Variants in AGBL3 observed in about 807,000 individuals in gnomAD.
The protein encoded by AGBL3 is AGBL carboxypeptidase 3.
In AGBL3, 68 loss-of-function variants were observed where a neutral mutation model predicts 94.5. The ratio of observed to expected loss-of-function variants is 0.72; its 90% CI spans 0.59 to 0.88. The LOEUF is 0.88. AGBL3 is among the 40% of genes least tolerant of loss of function. The pLI is 0.00. For synonymous variants in AGBL3, 354 were observed against 370.7 expected (o/e 0.95, Z 0.52); for missense variants, 934 against 1,103.8 (o/e 0.85, Z 2.18).
chr7:135,026,925 A>G (rs1162811252), intron 5 of AGBL3, among the ~76,000 whole-genome samples: 1 of 151,672 alleles, frequency 6.6e-6, no homozygotes, highest in African/African-American at 2.4e-5. Context: ...CTTTTTGGGA[A>G]GGTTAATCAA....
intron 4 of AGBL3, chr7:134,995,072 C>A (rs983135129): frequency 3.9e-5 from 6 of 152,334 alleles, no homozygotes; most frequent in African/African-American, 1.4e-4. Flanking sequence ...TTTAAACCTT[C>A]CCCCAAGCCT....
In AGBL3 at chr7:135,053,663, G is replaced by A. The variant is rs1054192050; in HGVS notation, c.1842-5506G>A. On this transcript the variant is annotated intron_variant, in intron 11 of 16. Transcript: ENST00000436302. ...ACAAAGGATTCAGCCAAAGCTGGAC[G>A]ACCATCTGCTATGGGACTTAATAAA... Among the ~76,000 whole-genome samples, 60 of 152,038 alleles carry A rather than the reference G, an allele frequency of 3.9e-4. 1 individual carries two copies. Among genetic ancestry groups the A allele is most frequent in the Admixed American group, 3.8e-3 (58 of 15,254 alleles).
intron 3 of AGBL3, among the ~76,000 whole-genome samples, chr7:134,993,034 G>C (rs1810497576): frequency 6.6e-6 from 1 of 152,206 alleles, no homozygotes; most frequent in Non-Finnish European, 1.5e-5. Context: ...TGTGAATTGT[G>C]TTCCTGGCAT....
intron 4 of AGBL3, chr7:135,010,443 C>G (rs1036138576): frequency 3.6e-5 from 6 of 166,290 alleles, no homozygotes; most frequent in African/African-American, 1.4e-4. Context: ...CTAAAATACA[C>G]ATTAAAGTTC....
At position 135,135,307 on chromosome 7, in the gene AGBL3, T is replaced by A; in HGVS notation, c.*46T>A. 1 of 1,407,970 alleles carries A rather than the reference T, an allele frequency of 7.1e-7. No homozygotes were observed. Among genetic ancestry groups the A allele is most frequent in the Non-Finnish European group, 9.4e-7 (1 of 1,067,538 alleles). 87.2% of individuals were successfully genotyped at this position (1,407,970 alleles called of 1,614,324 possible). A position where few individuals can be genotyped will look rare whatever the true frequency, so the allele number is the denominator to read the frequency against. On this transcript the variant is annotated 3_prime_UTR_variant, in exon 17 of 17. Coordinates refer to ENST00000436302, the MANE Select transcript of AGBL3 (RefSeq NM_178563.4). Reference sequence around the variant, plus strand: ...AGAACTGTGAATGAAGGATAACATATGCTTATGTAGTAAAAAGAAAAAAAG... The same window carrying A: ...AGAACTGTGAATGAAGGATAACATAAGCTTATGTAGTAAAAAGAAAAAAAG...
chr7:135,115,654 CT>C (rs771017532), intron 16 of AGBL3, 43 bp downstream of exon 16: 1 of 1,397,234 alleles, frequency 7.2e-7, no homozygotes, highest in Non-Finnish European at 9.6e-7. Flanking sequence ...TTTAACACAT[CT>C]TTTTTAAAAA....
chr7:135,033,594 T>C (rs1815997942), intron 6 of AGBL3, among the ~76,000 whole-genome samples: 1 of 152,190 alleles, frequency 6.6e-6, no homozygotes, highest in African/African-American at 2.4e-5. Context: ...AGTGAAATTA[T>C]TATTTTTGCC....
Position 135,052,066 on chromosome 7 carries a change from T to G in AGBL3, c.1841+6155T>G, listed in dbSNP as rs541992445. Among the ~76,000 whole-genome samples, 19 of 152,220 alleles carry G rather than the reference T, an allele frequency of 1.2e-4. No individual in the cohort carries two copies. The South Asian group carries it at 3.9e-3, about 32-fold the overall frequency. ...CATCAAAACCATATAACAGGGAACATTCAAAAAAGTGTTGATTCTACCCCA... is the reference window on the plus strand; with the variant it reads ...CATCAAAACCATATAACAGGGAACAGTCAAAAAAGTGTTGATTCTACCCCA... On this transcript the variant is annotated intron_variant, in intron 11 of 16. Transcript: ENST00000436302.
intron 11 of AGBL3, among the ~76,000 whole-genome samples, chr7:135,048,539 T>TTATA (rs1264642122): frequency 6.6e-6 from 1 of 152,014 alleles, no homozygotes; most frequent in Non-Finnish European, 1.5e-5. Flanking sequence ...TATCAATGTT[T>TTATA]TATAGTTTTC....
intron 8 of AGBL3, among the ~76,000 whole-genome samples, chr7:135,042,305 T>C (rs1816931912): frequency 6.6e-6 from 1 of 152,216 alleles, no homozygotes; most frequent in Admixed American, 6.5e-5. Flanking sequence ...ATATACATTT[T>C]AGTACACCCA....
chr7:134,988,029 A>C (rs1365211668), intron 2 of AGBL3, 33 bp downstream of exon 2: 26 of 1,451,716 alleles, frequency 1.8e-5, no homozygotes, highest in Non-Finnish European at 2.4e-5. Flanking sequence ...TTACTTGGAG[A>C]TAAAATTTGT....
At chr7:135,086,808 T>C (rs1821373058) in intron 15 of AGBL3, among the ~76,000 whole-genome samples, 1 of 151,912 alleles carries the variant, frequency 6.6e-6, no homozygotes, top group South Asian at 2.1e-4. Context: ...AGGTTTCTTT[T>C]GTTGTTGTTG....
intron 4 of AGBL3, among the ~76,000 whole-genome samples, chr7:135,009,047 C>A (rs1397895144): frequency 1.3e-5 from 2 of 152,168 alleles, no homozygotes; most frequent in Admixed American, 6.5e-5. Context: ...TAAAATTGTG[C>A]AGCTACTTTG....
At chr7:135,003,053 G>A (rs890118253) in intron 4 of AGBL3, among the ~76,000 whole-genome samples, 3 of 151,954 alleles carry the variant, frequency 2.0e-5, no homozygotes, top group Non-Finnish European at 4.4e-5. Context: ...TTTTTATGTA[G>A]TTACTTTGTC....
At chr7:135,071,712 T>C (rs1437410941) in intron 12 of AGBL3, among the ~76,000 whole-genome samples, 2 of 152,198 alleles carry the variant, frequency 1.3e-5, no homozygotes, top group Admixed American at 1.3e-4. Flanking sequence ...TAGCCATATG[T>C]AGAAAGCTGA....
chr7:135,130,360 GCT>G (rs1479346555), intron 16 of AGBL3, among the ~76,000 whole-genome samples: 1 of 152,088 alleles, frequency 6.6e-6, no homozygotes, highest in African/African-American at 2.4e-5. Flanking sequence ...TGGTGTATAT[GCT>G]CCACTGGTTT....
In AGBL3 at chr7:135,038,137, T is replaced by C. The variant is rs573881995; in HGVS notation, c.1500+557T>C. Among the ~76,000 whole-genome samples the C allele has an allele frequency of 2.0e-5, 3 of 152,294 alleles. No homozygotes were observed. In the South Asian group the frequency reaches 6.2e-4, roughly 32 times the overall value. On this transcript the variant is annotated intron_variant, in intron 8 of 16. Coordinates refer to ENST00000436302, the MANE Select transcript of AGBL3 (RefSeq NM_178563.4). ...TGTGAAAATTATATTTTAATCATTC[T>C]TTAGGGAAAAGATGTTAACATAGCA...
At chr7:135,120,444 A>T (rs1826983916) in intron 16 of AGBL3, among the ~76,000 whole-genome samples, 1 of 152,246 alleles carries the variant, frequency 6.6e-6, no homozygotes, top group African/African-American at 2.4e-5. Context: ...CAACCACTGA[A>T]AAAGCTGTTC....
At chr7:135,012,421 G>A (rs117454070) in intron 4 of AGBL3, 3 of 152,250 alleles carry the variant, frequency 2.0e-5, no homozygotes, top group Non-Finnish European at 2.9e-5. Flanking sequence ...CTTGGCCTAT[G>A]TGGTGTTTGC....
Sources: gnomAD v4.1 joint callset for allele counts (sites outside exome capture counted in the v4.1 genomes callset) on GRCh38, gnomAD v4.1.1 for gene constraint, MANE v1.5 for transcripts, NCBI Gene and HGNC (gene_info 2026-07-23, HGNC 2026-07-21) for gene names.